AKAP6: variants seen among roughly 807,000 people sequenced by gnomAD.
The protein encoded by AKAP6 is A-kinase anchoring protein 6, also known as A-kinase anchor protein 6.
In AKAP6, 58 loss-of-function variants were observed where a neutral mutation model predicts 188.5. The ratio of observed to expected loss-of-function variants is 0.31; its 90% CI spans 0.25 to 0.38. The LOEUF is 0.38. Among genes scored for constraint, AKAP6 ranks in the 10% least tolerant of loss-of-function variants. The probability of loss-of-function intolerance (pLI) is 1.00; values close to 1 mark genes in which losing one functional copy is unlikely to be tolerated. For missense variants in AKAP6, 2,710 were observed against 2,740.0 expected (o/e 0.99, Z 0.24); for synonymous variants, 989 against 998.6 (o/e 0.99, Z 0.18).
At chr14:32,725,011 A>AAAAAAAAAC (rs1566668827) in intron 9 of AKAP6, among the ~76,000 whole-genome samples, 2 of 150,040 alleles carry the variant, frequency 1.3e-5, no homozygotes, top group South Asian at 4.2e-4. Flanking sequence ...AAAAAAAAAA[A>AAAAAAAAAC]AAAAAACAAT....
intron 4 of AKAP6, among the ~76,000 whole-genome samples, chr14:32,569,945 G>A (rs999604627): frequency 1.3e-5 from 2 of 151,954 alleles, no homozygotes; most frequent in African/African-American, 2.4e-5. Context: ...GTAGAGAAAC[G>A]TGATGCCCTC....
chr14:32,606,252 A>G (rs1164707990), intron 7 of AKAP6, among the ~76,000 whole-genome samples: 1 of 152,138 alleles, frequency 6.6e-6, no homozygotes, highest in African/African-American at 2.4e-5. Flanking sequence ...GGCTTTCAGT[A>G]TGTTCAATTT....
intron 11 of AKAP6, among the ~76,000 whole-genome samples, chr14:32,740,455 T>A (rs2031622971): frequency 1.3e-5 from 2 of 152,108 alleles, no homozygotes; most frequent in South Asian, 4.1e-4. Flanking sequence ...CCCAGATCAA[T>A]GCCCTAGAGA....
chr14:32,801,230 CT>C (rs1184169819), intron 12 of AKAP6, among the ~76,000 whole-genome samples: 6 of 151,940 alleles, frequency 3.9e-5, no homozygotes, highest in African/African-American at 1.4e-4. Flanking sequence ...TCTTTTTCTG[CT>C]TTTTTTATTT....
chr14:32,414,272 C>T (rs543897282), intron 1 of AKAP6, among the ~76,000 whole-genome samples: 2 of 152,026 alleles, frequency 1.3e-5, no homozygotes, highest in South Asian at 2.1e-4. Context: ...AAAGTGTATA[C>T]CAGGGAGTGC....
At chr14:32,476,818 C>A (rs1879088930) in intron 2 of AKAP6, among the ~76,000 whole-genome samples, 1 of 152,174 alleles carries the variant, frequency 6.6e-6, no homozygotes, top group Admixed American at 6.5e-5. Context: ...ACACTTAAGA[C>A]CCAGCCTCCA....
At chr14:32,684,896 G>A (rs1569971) in intron 8 of AKAP6, among the ~76,000 whole-genome samples, 23,409 of 152,068 alleles carry the variant, frequency 0.15, 2,046 homozygotes, top group African/African-American at 0.22. Flanking sequence ...AAAAAGATAC[G>A]TAAGACTTAA....
chr14:32,816,998 T>C (rs2034394277), intron 12 of AKAP6, among the ~76,000 whole-genome samples: 1 of 152,078 alleles, frequency 6.6e-6, no homozygotes, highest in African/African-American at 2.4e-5. Context: ...CTTTTTGAGA[T>C]TTTTTAGAAA....
rs547014828 is a variant in AKAP6, at chr14:32,550,583, C to T, written c.2346+3584C>T. Among the ~76,000 whole-genome samples the T allele has an allele frequency of 1.4e-3, 220 of 152,296 alleles. 1 individual carries two copies. The highest frequency in any genetic ancestry group is 5.0e-3 in the African/African-American group (207 of 41,572). On this transcript the variant is annotated intron_variant, in intron 4 of 13. Transcript: ENST00000280979. ...TCCCGCATGCTCTCCCTTACTACAC[C>T]AGATGAGGGCAGCTGCCAACCTCCA...
intron 1 of AKAP6, among the ~76,000 whole-genome samples, chr14:32,365,429 C>T (rs943435729): frequency 1.3e-5 from 2 of 152,108 alleles, no homozygotes; most frequent in African/African-American, 2.4e-5. Context: ...TATTGACACC[C>T]CCAGGACCTG....
intron 3 of AKAP6, among the ~76,000 whole-genome samples, chr14:32,540,193 T>TATATATATATATA (rs1882882755): frequency 4.1e-5 from 5 of 121,116 alleles, no homozygotes; most frequent in African/African-American, 1.6e-4. Flanking sequence ...TATATATATA[T>TATATATATATATA]TTTAATTTTT....
chr14:32,615,892 C>T (rs1375500805), intron 7 of AKAP6, among the ~76,000 whole-genome samples: 1 of 152,124 alleles, frequency 6.6e-6, no homozygotes, highest in African/African-American at 2.4e-5. Flanking sequence ...CCGCGCCCAG[C>T]CTAAACCATT....
intron 1 of AKAP6, among the ~76,000 whole-genome samples, chr14:32,385,770 C>CAT (rs1464475969): frequency 1.3e-5 from 2 of 150,906 alleles, no homozygotes; most frequent in East Asian, 3.9e-4. Context: ...TAGTATTCAT[C>CAT]ATATATATAT....
chr14:32,460,250 T>A (rs1426215164), intron 2 of AKAP6, among the ~76,000 whole-genome samples: 1 of 152,050 alleles, frequency 6.6e-6, no homozygotes, highest in Non-Finnish European at 1.5e-5. Flanking sequence ...TTCAACAAAA[T>A]TTCCAGGATA....
intron 1 of AKAP6, among the ~76,000 whole-genome samples, chr14:32,404,689 GAGATATATATATATATATATATT>G (rs1566485498): frequency 4.0e-4 from 2 of 4,946 alleles, no homozygotes; most frequent in Non-Finnish European, 1.1e-3. Context: ...GAGGAGTCAG[GAGATATATATATATATATATATT>G]AGTCAGAATG....
intron 9 of AKAP6, among the ~76,000 whole-genome samples, chr14:32,722,479 A>C (rs1231836485): frequency 6.6e-6 from 1 of 152,146 alleles, no homozygotes; most frequent in Admixed American, 6.5e-5. Flanking sequence ...CGCAGCCCTA[A>C]ATGAGAACAT....
At chr14:32,632,270 C>G (rs975346146) in intron 7 of AKAP6, among the ~76,000 whole-genome samples, 2 of 151,978 alleles carry the variant, frequency 1.3e-5, no homozygotes, top group African/African-American at 4.8e-5. Flanking sequence ...TTTAGGAGCT[C>G]TTGCTGTATA....
At position 32,735,726 on chromosome 14, in the gene AKAP6, C is replaced by G; in HGVS notation, c.3216C>G (p.Leu1072=). The G allele has an allele frequency of 6.2e-7, 1 of 1,613,486 alleles. No homozygotes were observed. The highest frequency in any genetic ancestry group is 8.5e-7 in the Non-Finnish European group (1 of 1,179,774). Reference sequence around the variant, plus strand: ...GTGGGTCGAGTCCACGTGACCTGCTCTCTCCTGAAAGTGGAAGCCTGGTAA... The same window carrying G: ...GTGGGTCGAGTCCACGTGACCTGCTGTCTCCTGAAAGTGGAAGCCTGGTAA... The part of the protein sequence containing the change: ...GHSGSSPRDL[L]SPESGSLVRQ... The change falls in exon 11 of 14, where the codon CTC becomes CTG. Residue 1072 remains leucine, a synonymous_variant. Coordinates refer to ENST00000280979, the MANE Select transcript of AKAP6 (RefSeq NM_004274.5).
chr14:32,424,620 A>G (rs1188165331), intron 1 of AKAP6, among the ~76,000 whole-genome samples: 1 of 152,044 alleles, frequency 6.6e-6, no homozygotes, highest in Non-Finnish European at 1.5e-5. Context: ...CCTAGTATCC[A>G]TTAGTTATTT....
Sources: allele counts gnomAD v4.1 joint callset (sites outside exome capture counted in the v4.1 genomes callset), GRCh38; gene constraint gnomAD v4.1.1; transcripts MANE v1.5; gene names NCBI Gene and HGNC (gene_info 2026-07-23, HGNC 2026-07-21).